The following SLC9A1 variants were observed in gnomAD, a reference collection of about 807,000 sequenced individuals.
SLC9A1 encodes the protein sodium/hydrogen exchanger 1.
In SLC9A1, 22 loss-of-function variants were observed where a neutral mutation model predicts 67.9. That is an observed-to-expected ratio of 0.32 (90% CI 0.23 to 0.46). The LOEUF (loss-of-function observed/expected upper bound fraction) is 0.46. SLC9A1 is among the 20% of genes least tolerant of loss of function. SLC9A1 has a pLI of 1.00. For synonymous variants in SLC9A1, 421 were observed against 471.8 expected, an observed-to-expected ratio of 0.89 and a Z score of 1.40; for missense variants, 686 against 1,094.8, an observed-to-expected ratio of 0.63 and a Z score of 5.27.
chr1:27,102,173 A>G, intron 8 of SLC9A1, 43 bp from the exon 9 acceptor site: 2 of 1,524,272 alleles, frequency 1.3e-6, no homozygotes, highest in Non-Finnish European at 1.8e-6. Context: ...GATTCTTGGG[A>G]TCCTGGTGCC....
intron 1 of SLC9A1, among the ~76,000 whole-genome samples, chr1:27,115,840 G>A (rs1430909697): frequency 6.6e-6 from 1 of 152,110 alleles, no homozygotes; most frequent in Non-Finnish European, 1.5e-5. Flanking sequence ...TATACACCCA[G>A]GGCTAGGACA....
intron 1 of SLC9A1, among the ~76,000 whole-genome samples, chr1:27,145,904 C>T (rs1168273778): frequency 6.6e-6 from 1 of 152,204 alleles, no homozygotes; most frequent in East Asian, 1.9e-4. Context: ...GGGCAGCCCA[C>T]TGATCCAGGC....
rs745370215 is a variant in SLC9A1, at chr1:27,100,328, C to T, written c.2427G>A (p.Pro809=). The stretch of plus-strand genomic sequence containing the variant: ...GGTGTTACTGCCCCTTGGGGAAGAA[C>T]GGTTCTCCCTCCCCAGGCTCAGGGT... ...GPHPEPGEGE[P]FFPKGQ is the part of the protein sequence containing the mutation. The change falls in exon 12 of 12, where the codon CCG becomes CCA. Residue 809 remains proline (P), a synonymous_variant. Coordinates refer to ENST00000263980, the MANE Select transcript of SLC9A1 (RefSeq NM_003047.5). This position sits in a 1 kb window ranked among gnomAD's most constrained non-coding sequence, Gnocchi z 5.6. The T allele has an allele frequency of 2.0e-6, 3 of 1,533,598 alleles. No homozygotes were observed. Among genetic ancestry groups the T allele is most frequent in the African/African-American group, 1.4e-5 (1 of 72,296 alleles). 95.0% of individuals were successfully genotyped at this position (1,533,598 alleles called of 1,614,324 possible). A position where few individuals can be genotyped will look rare whatever the true frequency, so the allele number is the denominator to read the frequency against.
intron 1 of SLC9A1, among the ~76,000 whole-genome samples, chr1:27,134,899 G>A (rs532544178): frequency 1.4e-5 from 2 of 145,580 alleles, no homozygotes; most frequent in Non-Finnish European, 1.5e-5. Context: ...ACCATGCCCA[G>A]TTAATTTTTG....
Position 27,101,993 on chromosome 1 carries a change from C to T in SLC9A1, c.1935+23G>A, listed in dbSNP as rs373916935. 395 of 1,571,694 alleles carry T rather than the reference C, an allele frequency of 2.5e-4. 1 individual carries two copies. In the African/African-American group the frequency reaches 3.2e-3, roughly 13 times the overall value. On this transcript the variant is annotated intron_variant, in intron 9 of 11. Coordinates refer to ENST00000263980, the MANE Select transcript of SLC9A1 (RefSeq NM_003047.5). The surrounding 1 kb of genome is among the most constrained non-coding windows in gnomAD (Gnocchi z 4.9). Reference sequence around the variant, plus strand: ...TGAAGGGCTCCTGTACCCTGGGGGTCGGGCTGGGGAGCAGGCCCTCACCCG... The same window carrying T: ...TGAAGGGCTCCTGTACCCTGGGGGTTGGGCTGGGGAGCAGGCCCTCACCCG...
chr1:27,101,356 C>A lies in SLC9A1; in HGVS notation c.2038-81G>T, dbSNP rs997518794. On this transcript the variant is annotated intron_variant, in intron 10 of 11. Coordinates refer to ENST00000263980, the MANE Select transcript of SLC9A1 (RefSeq NM_003047.5). The surrounding 1 kb of genome is among the most constrained non-coding windows in gnomAD (Gnocchi z 4.9). Reference sequence around the variant, plus strand: ...AGGACAGAACCCGGCCAGTGCACACCCCACCTTTCGTATATGCAGGGCGCT... The same window carrying A: ...AGGACAGAACCCGGCCAGTGCACACACCACCTTTCGTATATGCAGGGCGCT... The A allele has an allele frequency of 5.7e-5, 64 of 1,113,184 alleles. No individual in the cohort carries two copies. The highest frequency in any genetic ancestry group is 8.1e-5 in the Non-Finnish European group (60 of 744,696). 69.0% of individuals were successfully genotyped at this position (1,113,184 alleles called of 1,614,324 possible).
intron 5 of SLC9A1, chr1:27,104,074 CTCTT>C (rs1335798450): frequency 9.4e-5 from 14 of 149,418 alleles, no homozygotes; most frequent in African/African-American, 3.5e-4. Context: ...CAGCCTCCTC[CTCTT>C]TTTTTTTTTT....
At chr1:27,142,822 T>A (rs2083460653) in intron 1 of SLC9A1, among the ~76,000 whole-genome samples, 1 of 152,034 alleles carries the variant, frequency 6.6e-6, no homozygotes, top group Admixed American at 6.6e-5. Context: ...CCCCTTCCCT[T>A]CTCTCAGGAC....
intron 5 of SLC9A1, 75 bp downstream of exon 5, chr1:27,105,810 C>T (rs768200130): frequency 6.1e-6 from 8 of 1,311,922 alleles, no homozygotes; most frequent in East Asian, 2.3e-5. Flanking sequence ...TCAAATCACA[C>T]GCTTTCCTCT....
intron 1 of SLC9A1, among the ~76,000 whole-genome samples, chr1:27,142,796 C>T (rs1350951474): frequency 6.6e-6 from 1 of 152,144 alleles, no homozygotes; most frequent in Non-Finnish European, 1.5e-5. Flanking sequence ...TTTTTCTCTA[C>T]TTTAAGGACT....
At chr1:27,103,137 A>AT (rs2083159823) in intron 6 of SLC9A1, 86 bp downstream of exon 6, 1 of 1,006,606 alleles carries the variant, frequency 9.9e-7, no homozygotes, top group Middle Eastern at 2.1e-4. Flanking sequence ...GAAGGGGCTG[A>AT]TGGGGGGCAG....
rs959130688 is a variant in SLC9A1, at chr1:27,101,656, C to T, written c.2037+69G>A. The T allele has an allele frequency of 2.6e-6, 3 of 1,138,670 alleles. No individual in the cohort carries two copies. The highest frequency in any genetic ancestry group is 3.1e-5 in the African/African-American group (2 of 65,382). 70.5% of individuals were successfully genotyped at this position (1,138,670 alleles called of 1,614,324 possible). A position where few individuals can be genotyped will look rare whatever the true frequency, so the allele number is the denominator to read the frequency against. ...CCTGTTCCTAGAATGGGTACATTTC[C>T]TTAGAGGCTGTGGCGGAGCTTGGGC... On this transcript the variant is annotated intron_variant, in intron 10 of 11. Transcript: ENST00000263980. This position sits in a 1 kb window ranked among gnomAD's most constrained non-coding sequence, Gnocchi z 4.9.
chr1:27,135,525 GAAAAAA>G (rs36107223), intron 1 of SLC9A1, among the ~76,000 whole-genome samples: 10 of 110,052 alleles, frequency 9.1e-5, no homozygotes, highest in East Asian at 2.8e-4. Flanking sequence ...CTTTTTTCTG[GAAAAAA>G]AAAAAAAAAA....
At chr1:27,134,472 G>A (rs749121208) in intron 1 of SLC9A1, among the ~76,000 whole-genome samples, 1 of 152,146 alleles carries the variant, frequency 6.6e-6, no homozygotes, top group Non-Finnish European at 1.5e-5. Context: ...TTAAAGATGA[G>A]AAAACCAAAG....
Position 27,123,970 on chromosome 1 carries a change from G to A in SLC9A1, c.353-9684C>T, listed in dbSNP as rs139750278. Among the ~76,000 whole-genome samples, 541 of 152,274 alleles carry A rather than the reference G, an allele frequency of 3.6e-3. 3 individuals are homozygous for A. Among genetic ancestry groups the A allele is most frequent in the East Asian group, 0.015 (79 of 5,192 alleles). On this transcript the variant is annotated intron_variant, in intron 1 of 11. Transcript: ENST00000263980. ...GCGTCCTGAGTAGCTGGGATTACAG[G>A]TGTGTGCCACGCCCGGCTAATTTTG... is the stretch of plus-strand genomic sequence containing the variant.
intron 1 of SLC9A1, among the ~76,000 whole-genome samples, chr1:27,120,846 T>C (rs1405184792): frequency 6.6e-6 from 1 of 152,122 alleles, no homozygotes; most frequent in African/African-American, 2.4e-5. Flanking sequence ...TCTCATTTCA[T>C]CTCACATCCT....
At chr1:27,128,751 A>T (rs2083363123) in intron 1 of SLC9A1, among the ~76,000 whole-genome samples, 1 of 151,928 alleles carries the variant, frequency 6.6e-6, no homozygotes, top group Admixed American at 6.6e-5. Context: ...TGAGGTCAGG[A>T]GTTTGAGACC....
chr1:27,136,428 C>A (rs999061216), intron 1 of SLC9A1, among the ~76,000 whole-genome samples: 2 of 152,234 alleles, frequency 1.3e-5, no homozygotes, highest in South Asian at 4.1e-4. Flanking sequence ...TTGGCCCCGC[C>A]CACTGGGCCA....
intron 1 of SLC9A1, among the ~76,000 whole-genome samples, chr1:27,135,410 TA>T (rs1369239024): frequency 6.6e-6 from 1 of 151,512 alleles, no homozygotes; most frequent in African/African-American, 2.4e-5. Context: ...CAGGATGAAC[TA>T]TTCAGAGTGC....
Sources: gnomAD v4.1 joint callset for allele counts (sites outside exome capture counted in the v4.1 genomes callset) on GRCh38, gnomAD v4.1.1 for gene constraint, Gnocchi (gnomAD v3.1) non-coding constraint, MANE v1.5 for transcripts, NCBI Gene and HGNC (gene_info 2026-07-23, HGNC 2026-07-21) for gene names.